Variants in PAK5 observed in about 807,000 individuals in gnomAD.
PAK5 encodes p21 (RAC1) activated kinase 5.
A neutral mutation model predicts 65.9 loss-of-function variants in PAK5; 16 were observed. The observed-to-expected ratio is 0.24, with a 90% CI of 0.16 to 0.37. The LOEUF is 0.37. Ranked by LOEUF, PAK5 falls within the 10% of genes least tolerant of loss-of-function variation. The pLI is 1.00. For missense variants in PAK5, 785 were observed against 903.9 expected, an observed-to-expected ratio of 0.87 and a Z score of 1.69; for synonymous variants, 371 against 354.9, an observed-to-expected ratio of 1.05 and a Z score of -0.51.
chr20:9,712,276 G>A lies in PAK5; in HGVS notation c.-161-841C>T, dbSNP rs144948179. ...ATTGGCTGAATCACAGTTATATGCG[G>A]ATTATACAAATTCCCAACCTTGTTT... On this transcript the variant is annotated intron_variant, in intron 1 of 9. Coordinates refer to ENST00000353224, the MANE Select transcript of PAK5 (RefSeq NM_177990.4). 3.5e-3 allele frequency among the ~76,000 whole-genome samples: 538 copies of A among 152,192 alleles called. 4 individuals are homozygous for A. The highest frequency in any genetic ancestry group is 0.012 in the African/African-American group (509 of 41,528).
At chr20:9,749,112 A>C (rs1472117269) in intron 1 of PAK5, among the ~76,000 whole-genome samples, 1 of 152,184 alleles carries the variant, frequency 6.6e-6, no homozygotes, top group East Asian at 1.9e-4. Flanking sequence ...AAAGCAATTA[A>C]GAAATAACCC....
intron 2 of PAK5, among the ~76,000 whole-genome samples, chr20:9,696,699 T>G (rs552533739): frequency 6.6e-6 from 1 of 152,242 alleles, no homozygotes; most frequent in Admixed American, 6.5e-5. Context: ...AATTGTATTA[T>G]GGAGAAAAGC....
chr20:9,666,678 G>A (rs1227488301), intron 2 of PAK5, among the ~76,000 whole-genome samples: 1 of 151,972 alleles, frequency 6.6e-6, no homozygotes, highest in East Asian at 1.9e-4. Context: ...AAAACAAAAT[G>A]CAAAACAAAA....
At chr20:9,684,349 G>C (rs1172368704) in intron 2 of PAK5, among the ~76,000 whole-genome samples, 1 of 152,144 alleles carries the variant, frequency 6.6e-6, no homozygotes, top group Non-Finnish European at 1.5e-5. Flanking sequence ...AACTCCTATT[G>C]CATTAAATCA....
chr20:9,672,993 T>C (rs2047521392), intron 2 of PAK5, among the ~76,000 whole-genome samples: 1 of 152,206 alleles, frequency 6.6e-6, no homozygotes, highest in South Asian at 2.1e-4. Flanking sequence ...ACTCAAAGAA[T>C]AATGCTCACC....
chr20:9,813,618 T>C (rs1048438349), intron 1 of PAK5, among the ~76,000 whole-genome samples: 1 of 149,468 alleles, frequency 6.7e-6, no homozygotes, highest in Non-Finnish European at 1.5e-5. Flanking sequence ...CAGAAAAAAC[T>C]GTGGTGTATT....
intron 3 of PAK5, among the ~76,000 whole-genome samples, chr20:9,642,136 A>T (rs944267190): frequency 3.3e-5 from 5 of 152,234 alleles, no homozygotes; most frequent in African/African-American, 1.2e-4. Flanking sequence ...GAGGACTGCC[A>T]GCATGCTGTC....
intron 1 of PAK5, among the ~76,000 whole-genome samples, chr20:9,762,222 G>A (rs750504825): frequency 1.3e-5 from 2 of 152,042 alleles, no homozygotes; most frequent in Admixed American, 6.6e-5. Flanking sequence ...TTTGGATATA[G>A]CACCCAAAGC....
chr20:9,772,778 C>T (rs1167520447), intron 1 of PAK5, among the ~76,000 whole-genome samples: 1 of 152,212 alleles, frequency 6.6e-6, no homozygotes, highest in Non-Finnish European at 1.5e-5. Flanking sequence ...AGACTTTCCT[C>T]CTATTTCAAG....
chr20:9,744,820 C>A (rs930112933), intron 1 of PAK5, among the ~76,000 whole-genome samples: 1 of 152,190 alleles, frequency 6.6e-6, no homozygotes, highest in Non-Finnish European at 1.5e-5. Context: ...GTTTCCACAT[C>A]ACTCTCAAAT....
intron 1 of PAK5, among the ~76,000 whole-genome samples, chr20:9,797,217 A>G (rs929596613): frequency 5.3e-5 from 8 of 151,320 alleles, no homozygotes; most frequent in African/African-American, 1.5e-4. Context: ...CATATCCTTC[A>G]CCCACTTTTT....
rs2045673309 is a variant in PAK5, at chr20:9,566,125, C to A, written c.1250G>T (p.Gly417Val). 2 of 1,613,722 alleles carry A rather than the reference C, an allele frequency of 1.2e-6. No homozygotes were observed. The highest frequency in any genetic ancestry group is 2.2e-5 in the East Asian group (1 of 44,808). The change falls in exon 5 of 10, where the codon GGC becomes GTC. Residue 417 changes from glycine to valine, a missense_variant. Physicochemically the swap from Gly to Val is moderately radical, Grantham distance 109. Coordinates refer to ENST00000353224, the MANE Select transcript of PAK5 (RefSeq NM_177990.4). ...SSSTYPPPSWGSSSDQQPSRV... is the reference protein window; with the variant it reads ...SSSTYPPPSWVSSSDQQPSRV... ...GGAGGGCTGCTGGTCGGAGGAGGAG[C>A]CCCAGCTGGGCGGCGGGTAGGTGCT... is the stretch of plus-strand genomic sequence containing the variant.
chr20:9,546,286 A>C (rs1378857356), intron 7 of PAK5, among the ~76,000 whole-genome samples: 1 of 152,154 alleles, frequency 6.6e-6, no homozygotes, highest in East Asian at 1.9e-4. Context: ...CCATCTATTC[A>C]TCTAATTTTT....
At chr20:9,612,207 C>T (rs964033139) in intron 3 of PAK5, among the ~76,000 whole-genome samples, 3 of 152,182 alleles carry the variant, frequency 2.0e-5, no homozygotes, top group South Asian at 2.1e-4. Context: ...AGCTCCTACA[C>T]GCGGCTCCAG....
chr20:9,802,566 T>C (rs2049181794), intron 1 of PAK5, among the ~76,000 whole-genome samples: 1 of 152,128 alleles, frequency 6.6e-6, no homozygotes, highest in South Asian at 2.1e-4. Context: ...TACATTTTTG[T>C]GTTTTGATTT....
chr20:9,808,269 C>T (rs2049256806), intron 1 of PAK5, among the ~76,000 whole-genome samples: 1 of 152,010 alleles, frequency 6.6e-6, no homozygotes, highest in Non-Finnish European at 1.5e-5. Flanking sequence ...AATACTAACA[C>T]AAGGAGAAGT....
intron 1 of PAK5, among the ~76,000 whole-genome samples, chr20:9,815,191 T>C (rs1355198734): frequency 1.3e-5 from 2 of 152,158 alleles, no homozygotes; most frequent in Non-Finnish European, 2.9e-5. Flanking sequence ...ATCCAAACAC[T>C]TCCTACCAGG....
intron 1 of PAK5, among the ~76,000 whole-genome samples, chr20:9,824,753 TATA>T (rs1322969777): frequency 1.3e-5 from 2 of 152,220 alleles, no homozygotes; most frequent in East Asian, 3.8e-4. Context: ...CACTCTATTT[TATA>T]AAGCACTGAT....
intron 1 of PAK5, among the ~76,000 whole-genome samples, chr20:9,729,243 A>C (rs1298361286): frequency 1.3e-5 from 2 of 152,124 alleles, no homozygotes; most frequent in African/African-American, 4.8e-5. Flanking sequence ...TCAAAAAAAA[A>C]AAATTCATAA....
Sources: allele counts gnomAD v4.1 joint callset (sites outside exome capture counted in the v4.1 genomes callset), GRCh38; gene constraint gnomAD v4.1.1; transcripts MANE v1.5; gene names NCBI Gene and HGNC (gene_info 2026-07-23, HGNC 2026-07-21).